The following IDE variants were observed in gnomAD, a reference collection of about 807,000 sequenced individuals.
IDE encodes insulin-degrading enzyme.
IDE carries 58 observed loss-of-function variants against 133.2 expected under a neutral mutation model. That is an observed-to-expected ratio of 0.44 (90% CI 0.35 to 0.54). The LOEUF is 0.54. Ranked by LOEUF, IDE falls within the 20% of genes least tolerant of loss-of-function variation. The pLI, the probability that IDE is intolerant of heterozygous loss-of-function variation, is 0.00. For missense variants in IDE, 981 were observed against 1,234.0 expected (o/e 0.79, Z 3.07); for synonymous variants, 396 against 421.3 (o/e 0.94, Z 0.73).
At chr10:92,479,695 T>A in intron 14 of IDE, 1 of 304,644 alleles carries the variant, frequency 3.3e-6, no homozygotes, top group Non-Finnish European at 6.2e-6. Flanking sequence ...CTACCCCAGA[T>A]GGTGTGGCAG....
At chr10:92,525,187 A>G (rs1849558785) in intron 4 of IDE, among the ~76,000 whole-genome samples, 1 of 152,226 alleles carries the variant, frequency 6.6e-6, no homozygotes, top group Non-Finnish European at 1.5e-5. Context: ...CGGGAGGCAG[A>G]GGTTGCAGTA....
chr10:92,557,586 C>T (rs930122159), intron 1 of IDE, among the ~76,000 whole-genome samples: 1 of 151,080 alleles, frequency 6.6e-6, no homozygotes, highest in African/African-American at 2.4e-5. Flanking sequence ...TAAACCCTCA[C>T]CTTTTGATCA....
At chr10:92,497,257 G>C (rs910641579) in intron 11 of IDE, among the ~76,000 whole-genome samples, 1 of 152,206 alleles carries the variant, frequency 6.6e-6, no homozygotes, top group East Asian at 1.9e-4. Flanking sequence ...AATGATCATT[G>C]AGTAATAATA....
intron 1 of IDE, among the ~76,000 whole-genome samples, chr10:92,567,379 A>AC (rs1158468440): frequency 6.6e-6 from 1 of 152,182 alleles, no homozygotes; most frequent in Non-Finnish European, 1.5e-5. Flanking sequence ...CATCGTCCCT[A>AC]CATCAATCAA....
chr10:92,561,027 T>C (rs1309217872), intron 1 of IDE, among the ~76,000 whole-genome samples: 1 of 151,964 alleles, frequency 6.6e-6, no homozygotes, highest in Non-Finnish European at 1.5e-5. Flanking sequence ...CCAAGGTGGA[T>C]GGATCACCTG....
intron 6 of IDE, 115 bp downstream of exon 6, chr10:92,509,935 A>AC (rs1848494436): frequency 1.8e-6 from 1 of 567,358 alleles, no homozygotes; most frequent in Non-Finnish European, 3.1e-6. Flanking sequence ...AAAAAAAAAA[A>AC]AAAACACAAC....
intron 18 of IDE, 133 bp downstream of exon 18, chr10:92,470,121 C>T (rs1284645557): frequency 1.1e-5 from 6 of 543,858 alleles, no homozygotes; most frequent in Non-Finnish European, 1.9e-5. Flanking sequence ...CCTTCCTCCA[C>T]AGAGCAAGAG....
chr10:92,470,234 C>T lies in IDE; in HGVS notation c.2208+20G>A, dbSNP rs775435770. On this transcript the variant is annotated intron_variant, in intron 18 of 24. Transcript: ENST00000265986. ...TCTTGCAATGATCCACAAAAGATTG[C>T]TAAAACCTCAACCACCCACCTGCTT... is the stretch of plus-strand genomic sequence containing the variant. The T allele has an allele frequency of 1.9e-6, 3 of 1,541,972 alleles. No homozygotes were observed. The highest frequency in any genetic ancestry group is 2.7e-6 in the Non-Finnish European group (3 of 1,128,378).
chr10:92,483,375 C>T (rs763177217), intron 13 of IDE, 38 bp from the exon 14 acceptor site: 15 of 1,090,574 alleles, frequency 1.4e-5, no homozygotes, highest in East Asian at 4.7e-5. Flanking sequence ...GAAATAGAGG[C>T]GCATTCAGCA....
At position 92,557,492 on chromosome 10, in the gene IDE, T is replaced by C. The variant is rs138586442; in HGVS notation, c.98+16430A>G. Among the ~76,000 whole-genome samples the C allele has an allele frequency of 7.6e-3, 1,153 of 150,994 alleles. 16 individuals carry two copies. Among genetic ancestry groups the C allele is most frequent in the African/African-American group, 0.027 (1,103 of 41,146 alleles). On this transcript the variant is annotated intron_variant, in intron 1 of 24. Coordinates refer to ENST00000265986, the MANE Select transcript of IDE (RefSeq NM_004969.4). Reference sequence around the variant, plus strand: ...CGGAGCTTGCAGTAAGCCAAGATAGTGCCACTGCAGTCCAGCCTGGGAGAA... The same window carrying C: ...CGGAGCTTGCAGTAAGCCAAGATAGCGCCACTGCAGTCCAGCCTGGGAGAA...
intron 12 of IDE, among the ~76,000 whole-genome samples, chr10:92,488,004 A>T (rs562195768): frequency 1.2e-4 from 19 of 152,152 alleles, no homozygotes; most frequent in African/African-American, 4.6e-4. Flanking sequence ...ACTGTTGCCC[A>T]GGCTGGTCTT....
chr10:92,502,230 C>A (rs1848063512), intron 11 of IDE, among the ~76,000 whole-genome samples: 1 of 152,050 alleles, frequency 6.6e-6, no homozygotes, highest in Non-Finnish European at 1.5e-5. Context: ...TTGGAGAGAA[C>A]TAACATATTA....
intron 13 of IDE, among the ~76,000 whole-genome samples, chr10:92,484,720 G>C (rs943772016): frequency 3.3e-5 from 5 of 151,270 alleles, no homozygotes; most frequent in African/African-American, 4.9e-5. Context: ...GCAACGGAGA[G>C]AGACTCTGTC....
intron 18 of IDE, 65 bp downstream of exon 18, chr10:92,470,187 GAA>G (rs1325869372): frequency 1.1e-4 from 121 of 1,060,792 alleles, no homozygotes; most frequent in Non-Finnish European, 2.8e-5. Context: ...ACAATCTTGA[GAA>G]AGACTAGAGG....
chr10:92,495,735 G>C (rs976399686), intron 11 of IDE, among the ~76,000 whole-genome samples: 1 of 151,672 alleles, frequency 6.6e-6, no homozygotes, highest in Non-Finnish European at 1.5e-5. Context: ...TATCAAATTA[G>C]AGTTTTAAAG....
intron 17 of IDE, 89 bp from the exon 18 acceptor site, chr10:92,470,434 A>G (rs1484739008): frequency 9.7e-6 from 7 of 725,216 alleles, no homozygotes; most frequent in Non-Finnish European, 1.6e-5. Flanking sequence ...ACTTGCAAAA[A>G]TAGTACACAG....
chr10:92,451,955 G>A lies in IDE; in HGVS notation c.*2489C>T, dbSNP rs1007725489. 2 of 152,102 alleles carry A rather than the reference G, an allele frequency of 1.3e-5. No individual in the cohort carries two copies. Among genetic ancestry groups the A allele is most frequent in the South Asian group, 4.2e-4 (2 of 4,814 alleles). 9.4% of individuals were successfully genotyped at this position (152,102 alleles called of 1,614,324 possible). On this transcript the variant is annotated 3_prime_UTR_variant, in exon 25 of 25. Transcript: ENST00000265986. Reference sequence around the variant, plus strand: ...TAAGGGCAGGAACAAATCTTTCTGGGTTTGGAGTCAGTGACAATACTCACA... The same window carrying A: ...TAAGGGCAGGAACAAATCTTTCTGGATTTGGAGTCAGTGACAATACTCACA...
intron 5 of IDE, among the ~76,000 whole-genome samples, chr10:92,511,659 C>T (rs1589448720): frequency 6.6e-6 from 1 of 151,120 alleles, no homozygotes; most frequent in East Asian, 2.0e-4. Flanking sequence ...TAGGCATTTG[C>T]ATTTTATTTA....
intron 11 of IDE, among the ~76,000 whole-genome samples, chr10:92,494,723 T>C (rs1219827910): frequency 6.6e-6 from 1 of 152,170 alleles, no homozygotes; most frequent in Non-Finnish European, 1.5e-5. Context: ...TTGGAGCGAA[T>C]GCAGCTGTCG....
Sources: allele counts gnomAD v4.1 joint callset (sites outside exome capture counted in the v4.1 genomes callset), GRCh38; gene constraint gnomAD v4.1.1; transcripts MANE v1.5; gene names NCBI Gene and HGNC (gene_info 2026-07-23, HGNC 2026-07-21).